SLC4A8: variants seen among roughly 807,000 people sequenced by gnomAD.
SLC4A8 encodes the protein solute carrier family 4 member 8, also known as electroneutral sodium bicarbonate exchanger 1.
A neutral mutation model predicts 125.0 loss-of-function variants in SLC4A8; 40 were observed. The ratio of observed to expected loss-of-function variants is 0.32; its 90% CI spans 0.25 to 0.42. The LOEUF (loss-of-function observed/expected upper bound fraction) is 0.42. Among genes scored for constraint, SLC4A8 ranks in the 10% least tolerant of loss-of-function variants. SLC4A8 has a pLI of 1.00. For synonymous variants in SLC4A8, 456 were observed against 476.0 expected, an observed-to-expected ratio of 0.96 and a Z score of 0.55; for missense variants, 863 against 1,355.1, an observed-to-expected ratio of 0.64 and a Z score of 5.70.
At chr12:51,502,780 C>T (rs1937963072) in intron 22 of SLC4A8, among the ~76,000 whole-genome samples, 1 of 151,826 alleles carries the variant, frequency 6.6e-6, no homozygotes, top group Non-Finnish European at 1.5e-5. Context: ...AAGCGATTCT[C>T]CTGCCTCAGC....
intron 16 of SLC4A8, among the ~76,000 whole-genome samples, chr12:51,475,613 G>A (rs1447901102): frequency 6.6e-6 from 1 of 152,196 alleles, no homozygotes; most frequent in African/African-American, 2.4e-5. Context: ...TCTTCTCCCA[G>A]GGATGGCTTT....
At chr12:51,448,843 G>C (rs1397075006) in intron 2 of SLC4A8, among the ~76,000 whole-genome samples, 1 of 152,208 alleles carries the variant, frequency 6.6e-6, no homozygotes, top group African/African-American at 2.4e-5. Flanking sequence ...GAACAAGGAA[G>C]TGGTGAGGAA....
At chr12:51,410,822 T>C (rs570000393) in intron 1 of SLC4A8, among the ~76,000 whole-genome samples, 4 of 151,780 alleles carry the variant, frequency 2.6e-5, no homozygotes, top group Non-Finnish European at 5.9e-5. Context: ...CCACACTCCA[T>C]GGTTTGGATT....
At chr12:51,414,136 C>A (rs1948642646) in intron 1 of SLC4A8, among the ~76,000 whole-genome samples, 1 of 150,516 alleles carries the variant, frequency 6.6e-6, no homozygotes, top group Admixed American at 6.6e-5. Flanking sequence ...GATCTCTTAC[C>A]TCCTTGGTTA....
intron 21 of SLC4A8, among the ~76,000 whole-genome samples, chr12:51,495,893 T>C (rs1951448472): frequency 6.6e-6 from 1 of 152,230 alleles, no homozygotes; most frequent in South Asian, 2.1e-4. Context: ...TGTATGTAAA[T>C]ACTACATTTT....
At chr12:51,424,811 T>G, upstream of SLC4A8, 12 of 605,878 alleles carry the variant, frequency 2.0e-5, no homozygotes, top group African/African-American at 3.9e-5. Flanking sequence ...CTCTCGCTGA[T>G]TGGTTGCGGC....
intron 12 of SLC4A8, 90 bp downstream of exon 12, chr12:51,469,878 T>C: frequency 8.3e-7 from 1 of 1,208,802 alleles, no homozygotes; most frequent in East Asian, 2.3e-5. Flanking sequence ...AATTACTTGG[T>C]CTAGGACTGA....
At position 51,449,298 on chromosome 12, in the gene SLC4A8, C is replaced by T. The variant is rs1015224085; in HGVS notation, c.131-1578C>T. Reference sequence around the variant, plus strand: ...CTAAAAATCAAAAAAATTAGCTGGGCGTGGTGGTACACGCCTGTGGTCCCA... The same window carrying T: ...CTAAAAATCAAAAAAATTAGCTGGGTGTGGTGGTACACGCCTGTGGTCCCA... On this transcript the variant is annotated intron_variant, in intron 2 of 24. Transcript: ENST00000453097. Among the ~76,000 whole-genome samples, 11 of 151,914 alleles carry T rather than the reference C, an allele frequency of 7.2e-5. No homozygotes were observed. In the East Asian group the frequency reaches 1.7e-3, roughly 24 times the overall value.
intron 5 of SLC4A8, among the ~76,000 whole-genome samples, chr12:51,455,792 AC>A: frequency 6.6e-6 from 1 of 152,220 alleles, no homozygotes; most frequent in East Asian, 1.9e-4. Flanking sequence ...TCAGGGAGGT[AC>A]CCCAGAAGTA....
intron 1 of SLC4A8, among the ~76,000 whole-genome samples, chr12:51,396,294 G>C (rs888280503): frequency 2.6e-5 from 4 of 152,122 alleles, no homozygotes; most frequent in Non-Finnish European, 5.9e-5. Context: ...GTCAGGTGTG[G>C]AGATACAAGG....
At chr12:51,473,141 A>T (rs889427494) in intron 14 of SLC4A8, among the ~76,000 whole-genome samples, 2 of 149,530 alleles carry the variant, frequency 1.3e-5, no homozygotes, top group African/African-American at 5.1e-5. Flanking sequence ...AATGACATGT[A>T]TCCTCCATTA....
Position 51,440,764 on chromosome 12 carries a change from T to A in SLC4A8, c.105T>A (p.Ile35=), listed in dbSNP as rs781527795. 2 of 1,607,654 alleles carry A rather than the reference T, an allele frequency of 1.2e-6. No homozygotes were observed. The highest frequency in any genetic ancestry group is 2.2e-5 in the South Asian group (2 of 89,920). The change falls in exon 2 of 25, where the codon ATT becomes ATA. Residue 35 remains isoleucine, a synonymous_variant. Coordinates refer to ENST00000453097, the MANE Select transcript of SLC4A8 (RefSeq NM_001039960.3). ...DQGGTSTILN[I]HYEKEELEGH... ...GTGGGACCAGTACAATTCTCAACAT[T>A]CACTATGAAAAAGAAGAGCTGGAAG...
intron 1 of SLC4A8, among the ~76,000 whole-genome samples, chr12:51,395,922 A>G (rs1177364034): frequency 6.6e-6 from 1 of 152,242 alleles, no homozygotes; most frequent in Non-Finnish European, 1.5e-5. Flanking sequence ...ACTTTCCTGC[A>G]TATTCACATT....
chr12:51,402,462 C>T (rs1312939786), intron 1 of SLC4A8, among the ~76,000 whole-genome samples: 8 of 152,208 alleles, frequency 5.3e-5, no homozygotes, highest in Non-Finnish European at 8.8e-5. Flanking sequence ...TAGCTCACGC[C>T]TGTAATCTCA....
intron 4 of SLC4A8, among the ~76,000 whole-genome samples, chr12:51,452,958 T>C (rs114379743): frequency 1.3e-5 from 2 of 152,336 alleles, no homozygotes; most frequent in African/African-American, 4.8e-5. Context: ...AAACAGCTCT[T>C]GCTGGGTGCC....
intron 16 of SLC4A8, among the ~76,000 whole-genome samples, chr12:51,479,129 G>A (rs1344133359): frequency 1.3e-5 from 2 of 152,178 alleles, no homozygotes; most frequent in Non-Finnish European, 2.9e-5. Context: ...ATTGGCAGGA[G>A]GGGAGCTCAT....
At position 51,490,046 on chromosome 12, in the gene SLC4A8, A is replaced by C. The variant is rs1012039283; in HGVS notation, c.2700+95A>C. On this transcript the variant is annotated intron_variant, in intron 19 of 24. Coordinates refer to ENST00000453097, the MANE Select transcript of SLC4A8 (RefSeq NM_001039960.3). ...GGAAATACAGTGGTGCCAAATACTT[A>C]CAAGTATAAATCCCTGCCCTGAAAG... is the stretch of plus-strand genomic sequence containing the variant. 5 of 1,190,464 alleles carry C rather than the reference A, an allele frequency of 4.2e-6. No homozygotes were observed. The African/African-American group carries it at 4.5e-5, about 11-fold the overall frequency. The allele number at this position is 1,190,464 out of a possible 1,614,324, so 73.7% of individuals were successfully genotyped here.
chr12:51,401,542 T>C (rs1197453298), intron 1 of SLC4A8, among the ~76,000 whole-genome samples: 1 of 152,172 alleles, frequency 6.6e-6, no homozygotes, highest in Admixed American at 6.5e-5. Flanking sequence ...TGGTATGCTC[T>C]TCCACCAGTG....
chr12:51,504,131 C>T lies in SLC4A8; in HGVS notation c.3173+11C>T, dbSNP rs765983699. The T allele has an allele frequency of 2.7e-6, 4 of 1,489,258 alleles. No homozygotes were observed. The highest frequency in any genetic ancestry group is 3.7e-6 in the Non-Finnish European group (4 of 1,084,422). 92.3% of individuals were successfully genotyped at this position (1,489,258 alleles called of 1,614,324 possible). The stretch of plus-strand genomic sequence containing the variant: ...GAACATCAGTTGCAGGTAAAACTTC[C>T]AAACACCAAGGAGTTTACTTTTGGG... On this transcript the variant is annotated intron_variant, in intron 23 of 24. Coordinates refer to ENST00000453097, the MANE Select transcript of SLC4A8 (RefSeq NM_001039960.3).
Sources: gnomAD v4.1 joint callset for allele counts (sites outside exome capture counted in the v4.1 genomes callset) on GRCh38, gnomAD v4.1.1 for gene constraint, MANE v1.5 for transcripts, NCBI Gene and HGNC (gene_info 2026-07-23, HGNC 2026-07-21) for gene names.